The following PLB1 variants were observed in gnomAD, a reference collection of about 807,000 sequenced individuals.
PLB1 encodes the protein phospholipase B1, membrane-associated.
A neutral mutation model predicts 227.4 loss-of-function variants in PLB1; 242 were observed. That is an observed-to-expected ratio of 1.06 (90% CI 0.96 to 1.18). The LOEUF (loss-of-function observed/expected upper bound fraction) is 1.18, where lower values mean the gene tolerates loss of function less well. Among genes scored for constraint, PLB1 ranks in the 50% most tolerant of loss-of-function variants. PLB1 has a pLI of 0.00. For synonymous variants in PLB1, 757 were observed against 682.2 expected (o/e 1.11, Z -1.71); for missense variants, 1,858 against 1,816.3 (o/e 1.02, Z -0.42).
At chr2:28,550,175 T>TC (rs1267514831) in intron 16 of PLB1, 91 bp downstream of exon 16, 65 of 1,043,548 alleles carry the variant, frequency 6.2e-5, no homozygotes, top group Non-Finnish European at 8.6e-5. Flanking sequence ...ACGTGGTTTT[T>TC]TTTTTTTTTT....
intron 11 of PLB1, among the ~76,000 whole-genome samples, 187 bp from the exon 12 acceptor site, chr2:28,540,178 AC>A (rs1024889818): frequency 2.0e-5 from 3 of 150,264 alleles, no homozygotes; most frequent in South Asian, 4.2e-4. Flanking sequence ...CCCATACCCA[AC>A]CCCCAAGAAG....
intron 9 of PLB1, among the ~76,000 whole-genome samples, chr2:28,532,652 T>G (rs1671176782): frequency 6.6e-6 from 1 of 152,140 alleles, no homozygotes; most frequent in Non-Finnish European, 1.5e-5. Flanking sequence ...ACTGAGAAAA[T>G]TAGCGTCCTA....
rs771310421 is a variant in PLB1, at chr2:28,633,025, C to T, written c.4084C>T (p.Leu1362Phe). ...CGGGCATGCCGAGATGGCCATCGCA[C>T]TCTGGAACAACATGGTGAGCAGCCA... is the stretch of plus-strand genomic sequence containing the variant. Reference protein sequence around the residue: ...DRGHAEMAIALWNNMLEPVGR... With the variant: ...DRGHAEMAIAFWNNMLEPVGR... Residue 1362 changes from leucine to phenylalanine, a missense_variant, in exon 56 of 58, where the codon CTC (leucine) becomes TTC (phenylalanine). Physicochemically the swap from Leu to Phe is conservative, Grantham distance 22 (BLOSUM62 0). Coordinates refer to ENST00000327757, the MANE Select transcript of PLB1 (RefSeq NM_153021.5). The T allele has an allele frequency of 6.8e-6, 11 of 1,612,486 alleles. No individual in the cohort carries two copies. The highest frequency in any genetic ancestry group is 1.7e-5 in the Admixed American group (1 of 59,952).
chr2:28,604,576 C>T lies in PLB1; in HGVS notation c.2857-79C>T, dbSNP rs1684380434. Reference sequence around the variant, plus strand: ...CCCTCCATCCAGGGAGATGGACTGCCCACCACCCCTACTCTTGCCTCACTG... The same window carrying T: ...CCCTCCATCCAGGGAGATGGACTGCTCACCACCCCTACTCTTGCCTCACTG... On this transcript the variant is annotated intron_variant, in intron 40 of 57. Transcript: ENST00000327757. The T allele has an allele frequency of 3.5e-6, 4 of 1,135,314 alleles. No homozygotes were observed. The South Asian group carries it at 4.2e-5, about 12-fold the overall frequency. 70.3% of individuals were successfully genotyped at this position (1,135,314 alleles called of 1,614,324 possible).
chr2:28,610,811 C>G (rs952490237), intron 43 of PLB1, among the ~76,000 whole-genome samples: 8 of 152,138 alleles, frequency 5.3e-5, no homozygotes, highest in Non-Finnish European at 1.0e-4. Context: ...CTGGGCTCTG[C>G]CTCCCCAGGC....
At chr2:28,565,159 AG>A (rs1295629520) in intron 18 of PLB1, 120 bp from the exon 19 acceptor site, 1 of 768,044 alleles carries the variant, frequency 1.3e-6, no homozygotes. Context: ...TCTAGACCCT[AG>A]ATCCCAGAGA....
intron 32 of PLB1, 122 bp downstream of exon 32, chr2:28,592,841 G>C: frequency 8.4e-6 from 7 of 834,254 alleles, no homozygotes; most frequent in Non-Finnish European, 1.3e-5. Flanking sequence ...ACCTGGCTCT[G>C]TCAATCCAAG....
chr2:28,567,752 G>A (rs181080520), intron 20 of PLB1, among the ~76,000 whole-genome samples: 9 of 152,164 alleles, frequency 5.9e-5, no homozygotes, highest in Non-Finnish European at 1.3e-4. Context: ...GATTACAGGC[G>A]GAATGATTTT....
At chr2:28,514,429 C>T (rs890800992) in intron 1 of PLB1, among the ~76,000 whole-genome samples, 1 of 152,068 alleles carries the variant, frequency 6.6e-6, no homozygotes, top group African/African-American at 2.4e-5. Flanking sequence ...GGTCGTTTGC[C>T]TCTTAATATA....
At chr2:28,566,950 G>A in intron 20 of PLB1, 111 bp downstream of exon 20, 5 of 1,265,596 alleles carry the variant, frequency 4.0e-6, no homozygotes, top group South Asian at 1.2e-5. Flanking sequence ...GCAGGAGCCC[G>A]CTAAATTCAC....
chr2:28,511,020 C>T (rs1330340640), intron 1 of PLB1, among the ~76,000 whole-genome samples: 1 of 152,086 alleles, frequency 6.6e-6, no homozygotes, highest in African/African-American at 2.4e-5. Flanking sequence ...GTGGATTATA[C>T]AATTTTTATC....
rs143118117 is a variant in PLB1, at chr2:28,626,508, G to A, written c.3660G>A (p.Pro1220=). 3.3e-5 allele frequency: 54 copies of A among 1,613,732 alleles called. No homozygotes were observed. Among genetic ancestry groups the A allele is most frequent in the South Asian group, 2.2e-5 (2 of 91,064 alleles). The change falls in exon 51 of 58, where the codon CCG becomes CCA. Residue 1220 remains proline, a splice_region_variant and synonymous_variant. Coordinates refer to ENST00000327757, the MANE Select transcript of PLB1 (RefSeq NM_153021.5). ...VNDLCHYCEN[P]EAHLATEYVQ... is the part of the protein sequence containing the mutation. ...ACTTGTGTCATTACTGTGAGAATCC[G>A]GTAGGCCCCCGACCAACCCCATGGG...
chr2:28,539,275 C>G, intron 11 of PLB1, 97 bp downstream of exon 11: 4 of 1,141,686 alleles, frequency 3.5e-6, no homozygotes, highest in Non-Finnish European at 5.2e-6. Flanking sequence ...ATGAGGGAGC[C>G]CTAAAGAACA....
chr2:28,573,791 C>T (rs752499725), intron 21 of PLB1, among the ~76,000 whole-genome samples: 4 of 152,190 alleles, frequency 2.6e-5, no homozygotes, highest in Admixed American at 6.5e-5. Flanking sequence ...TCAGACTCTA[C>T]GAGGTGGGGC....
chr2:28,507,361 T>C (rs558883537), intron 1 of PLB1, among the ~76,000 whole-genome samples: 1 of 152,302 alleles, frequency 6.6e-6, no homozygotes, highest in South Asian at 2.1e-4. Context: ...ATTGAGGGGC[T>C]GGCATCTGGT....
At chr2:28,500,841 A>G (rs1667014093) in intron 1 of PLB1, among the ~76,000 whole-genome samples, 1 of 152,218 alleles carries the variant, frequency 6.6e-6, no homozygotes, top group Non-Finnish European at 1.5e-5. Flanking sequence ...TTTTGATGCC[A>G]AAGTTATTAC....
At chr2:28,560,248 A>G (rs1158290485) in intron 17 of PLB1, among the ~76,000 whole-genome samples, 1 of 152,148 alleles carries the variant, frequency 6.6e-6, no homozygotes, top group Non-Finnish European at 1.5e-5. Flanking sequence ...ACACAATAGA[A>G]GCACATCGGC....
intron 23 of PLB1, among the ~76,000 whole-genome samples, chr2:28,581,534 T>TAAATAAATAAAA (rs1399061605): frequency 8.1e-6 from 1 of 123,030 alleles, no homozygotes; most frequent in African/African-American, 3.1e-5. Flanking sequence ...AATAAATAAA[T>TAAATAAATAAAA]AAAATTAAAA....
At chr2:28,574,335 C>T (rs1318266436) in intron 21 of PLB1, among the ~76,000 whole-genome samples, 1 of 45,624 alleles carries the variant, frequency 2.2e-5, no homozygotes, top group African/African-American at 6.4e-5. Flanking sequence ...TTTAATCCCT[C>T]ACCCCCCCCA....
Sources: allele counts gnomAD v4.1 joint callset (sites outside exome capture counted in the v4.1 genomes callset), GRCh38; gene constraint gnomAD v4.1.1; transcripts MANE v1.5; gene names NCBI Gene and HGNC (gene_info 2026-07-23, HGNC 2026-07-21).